Variants in BICDL1 observed in about 807,000 individuals in gnomAD.
The protein encoded by BICDL1 is BICD family-like cargo adapter 1.
Under a neutral mutation model 76.8 loss-of-function variants are expected in BICDL1, and 20 were observed. The observed-to-expected ratio is 0.26, with a 90% CI of 0.18 to 0.38. The LOEUF (loss-of-function observed/expected upper bound fraction) is 0.38. Among genes scored for constraint, BICDL1 ranks in the 10% least tolerant of loss-of-function variants. The pLI, the probability that BICDL1 is intolerant of heterozygous loss-of-function variation, is 1.00. For missense variants in BICDL1, 700 were observed against 798.6 expected, an observed-to-expected ratio of 0.88 and a Z score of 1.49; for synonymous variants, 383 against 337.1, an observed-to-expected ratio of 1.14 and a Z score of -1.49.
At position 120,025,235 on chromosome 12, in the gene BICDL1, A is replaced by G. The variant is rs181988042; in HGVS notation, c.645+26499A>G. Among the ~76,000 whole-genome samples the G allele has an allele frequency of 8.4e-3, 1,270 of 151,940 alleles. 16 individuals are homozygous for G. The highest frequency in any genetic ancestry group is 0.029 in the African/African-American group (1,187 of 41,444). ...CCGGCTAATTTTTTGTATTTTTAGT[A>G]GAGATGGGGTTTCACCGTGTTAGCC... On this transcript the variant is annotated intron_variant, in intron 2 of 9. Transcript: ENST00000548673.
chr12:120,016,604 T>C (rs1019755034), intron 2 of BICDL1, among the ~76,000 whole-genome samples: 23 of 152,018 alleles, frequency 1.5e-4, no homozygotes, highest in Admixed American at 1.2e-3. Flanking sequence ...GTATTTTTTG[T>C]AGAGACAGTT....
chr12:120,040,718 A>G (rs1019341673), intron 2 of BICDL1, among the ~76,000 whole-genome samples: 5 of 146,326 alleles, frequency 3.4e-5, no homozygotes, highest in Middle Eastern at 6.5e-3. Flanking sequence ...ACCTGGCCCT[A>G]TATTTCCATG....
At position 119,989,304 on chromosome 12, in the gene BICDL1, A is replaced by C. The variant is rs1594076660; in HGVS notation, c.-565A>C. 6.8e-6 allele frequency among the ~76,000 whole-genome samples: 1 copy of C among 146,290 alleles called. No individual in the cohort carries two copies. The highest frequency in any genetic ancestry group is 6.7e-5 in the Admixed American group (1 of 14,932). ...CCGCCTCGGCCCCTGCAGCAGCAGC[A>C]GCCGCCGTCGCCGCCGCTGCTGCTG... On this transcript the variant is annotated 5_prime_UTR_variant, in exon 1 of 10. Coordinates refer to ENST00000548673, the MANE Select transcript of BICDL1 (RefSeq NM_001367886.1).
chr12:120,041,035 C>G (rs1424139298), intron 2 of BICDL1, among the ~76,000 whole-genome samples: 1 of 152,200 alleles, frequency 6.6e-6, no homozygotes, highest in African/African-American at 2.4e-5. Flanking sequence ...GTATGAGCCA[C>G]TGCTCCCAGC....
At chr12:120,032,328 A>T (rs925320788) in intron 2 of BICDL1, among the ~76,000 whole-genome samples, 4 of 152,220 alleles carry the variant, frequency 2.6e-5, no homozygotes, top group East Asian at 1.9e-4. Flanking sequence ...GGAGATTTTT[A>T]AAAATTTTTT....
chr12:120,085,792 C>A (rs1422008696), intron 8 of BICDL1, among the ~76,000 whole-genome samples: 1 of 118,316 alleles, frequency 8.5e-6, no homozygotes, highest in Admixed American at 9.8e-5. Flanking sequence ...AGAGCAAGAT[C>A]CTGCCTCAAA....
chr12:120,035,375 T>C (rs1952511892), intron 2 of BICDL1, among the ~76,000 whole-genome samples: 2 of 152,186 alleles, frequency 1.3e-5, no homozygotes, highest in Non-Finnish European at 2.9e-5. Flanking sequence ...GACTGCTTAT[T>C]GTGTACCAAG....
chr12:120,048,628 G>A (rs554244772), intron 2 of BICDL1, among the ~76,000 whole-genome samples: 1 of 152,170 alleles, frequency 6.6e-6, no homozygotes, highest in South Asian at 2.1e-4. Flanking sequence ...CTGTGACCAA[G>A]GCATCTCCTC....
Position 119,998,680 on chromosome 12 carries a change from C to T in BICDL1, c.589C>T (p.Arg197Trp), listed in dbSNP as rs1358926409. The part of the protein sequence containing the change: ...HLREADREKS[R>W]AVQELSEQNQ... Reference sequence around the variant, plus strand: ...GCGGGAAGCAGATCGAGAAAAATCACGGGCTGTCCAGGAACTGTCGGAACA... The same window carrying T: ...GCGGGAAGCAGATCGAGAAAAATCATGGGCTGTCCAGGAACTGTCGGAACA... The change falls in exon 2 of 10, where the codon CGG becomes TGG. Residue 197 changes from arginine (R) to tryptophan (W), a missense_variant. Around this residue, in one of 3 missense-constraint regions of BICDL1, gnomAD observed 455 missense variants for 548.7 expected, o/e 0.83. Transcript: ENST00000548673. 5 of 1,614,060 alleles carry T rather than the reference C, an allele frequency of 3.1e-6. No homozygotes were observed. The highest frequency in any genetic ancestry group is 1.1e-5 in the South Asian group (1 of 91,074).
intron 4 of BICDL1, among the ~76,000 whole-genome samples, chr12:120,067,460 A>G (rs979941254): frequency 6.6e-6 from 1 of 152,240 alleles, no homozygotes; most frequent in Non-Finnish European, 1.5e-5. Flanking sequence ...ATTCTTATTC[A>G]TACATATAAG....
rs547348127 is a variant in BICDL1 at position 120,092,850 on chromosome 12, C to T, written c.1705-150C>T. The T allele has an allele frequency of 1.7e-5, 24 of 1,391,414 alleles. No homozygotes were observed. In the East Asian group the frequency reaches 3.3e-4, roughly 19 times the overall value. The allele number at this position is 1,391,414 out of a possible 1,614,324, so 86.2% of individuals were successfully genotyped here. A position where few individuals can be genotyped will look rare whatever the true frequency, so the allele number is the denominator to read the frequency against. The stretch of plus-strand genomic sequence containing the variant: ...CGCCTGGTGTCTTGCCCACGCTCAC[C>T]GCTTTCTTGGTCAGGGCAGTCCCGG... On this transcript the variant is annotated intron_variant, in intron 9 of 9. Coordinates refer to ENST00000548673, the MANE Select transcript of BICDL1 (RefSeq NM_001367886.1).
At chr12:120,046,250 A>G (rs1415609385) in intron 2 of BICDL1, among the ~76,000 whole-genome samples, 2 of 152,166 alleles carry the variant, frequency 1.3e-5, no homozygotes, top group Non-Finnish European at 2.9e-5. Context: ...TCCCTGTGCC[A>G]GATTTTCTTA....
At chr12:120,032,022 T>C (rs1952433898) in intron 2 of BICDL1, among the ~76,000 whole-genome samples, 1 of 151,966 alleles carries the variant, frequency 6.6e-6, no homozygotes, top group Non-Finnish European at 1.5e-5. Context: ...AGCCCAGGAG[T>C]TTGAGGCTGC....
intron 3 of BICDL1, among the ~76,000 whole-genome samples, chr12:120,063,154 C>T (rs774649298): frequency 2.6e-5 from 4 of 152,146 alleles, no homozygotes; most frequent in Non-Finnish European, 5.9e-5. Context: ...CATCACTTCA[C>T]TGACTGAAAG....
chr12:120,021,996 G>A (rs145676124), intron 2 of BICDL1, among the ~76,000 whole-genome samples: 359 of 148,850 alleles, frequency 2.4e-3, no homozygotes, highest in African/African-American at 7.4e-3. Flanking sequence ...TCATAGTAAA[G>A]TAAAATAAAA....
At chr12:120,092,431 G>A (rs1875053187) in intron 9 of BICDL1, 2 of 985,470 alleles carry the variant, frequency 2.0e-6, no homozygotes, top group Non-Finnish European at 2.4e-6. Flanking sequence ...TCAGCAGCAG[G>A]GTCTAGGGCA....
intron 2 of BICDL1, among the ~76,000 whole-genome samples, chr12:120,030,826 T>C (rs1952406624): frequency 6.6e-6 from 1 of 152,218 alleles, no homozygotes; most frequent in Non-Finnish European, 1.5e-5. Context: ...TTGTCTTTGC[T>C]ACTTTCAACA....
rs1480748174 is a variant in BICDL1, at chr12:119,989,474, A to AGCAGCAGCAGCG, written c.-390_-389insAGCAGCGGCAGC. Among the ~76,000 whole-genome samples the AGCAGCAGCAGCG allele has an allele frequency of 1.3e-5, 2 of 149,500 alleles. No individual in the cohort carries two copies. Among genetic ancestry groups the AGCAGCAGCAGCG allele is most frequent in the Non-Finnish European group, 1.5e-5 (1 of 67,080 alleles). ...CCCGGCCGGCGGCGGCAGCAGCAGC[A>AGCAGCAGCAGCG]GCAGCGGCAGCGGCAACAGGGCGGC... On this transcript the variant is annotated 5_prime_UTR_variant, in exon 1 of 10. Coordinates refer to ENST00000548673, the MANE Select transcript of BICDL1 (RefSeq NM_001367886.1).
Position 119,999,443 on chromosome 12 carries a change from T to G in BICDL1, c.645+707T>G, listed in dbSNP as rs528575743. Among the ~76,000 whole-genome samples the G allele has an allele frequency of 9.2e-5, 14 of 152,368 alleles. 1 individual carries two copies. The East Asian group carries it at 2.7e-3, about 29-fold the overall frequency. On this transcript the variant is annotated intron_variant, in intron 2 of 9. Coordinates refer to ENST00000548673, the MANE Select transcript of BICDL1 (RefSeq NM_001367886.1). Reference sequence around the variant, plus strand: ...GTACTGTCTTTAAACTTTTTAAGCTTAGGGAAAATTTCTAGAGCAATTGAT... The same window carrying G: ...GTACTGTCTTTAAACTTTTTAAGCTGAGGGAAAATTTCTAGAGCAATTGAT...
Sources: gnomAD v4.1 joint callset for allele counts (sites outside exome capture counted in the v4.1 genomes callset) on GRCh38, gnomAD v4.1.1 for gene constraint, gnomAD v4.1.1 regional missense constraint, MANE v1.5 for transcripts, NCBI Gene and HGNC (gene_info 2026-07-23, HGNC 2026-07-21) for gene names.